DNAH9: variants seen among roughly 807,000 people sequenced by gnomAD.
DNAH9 encodes DNAH9 variant protein.
In DNAH9, 345 loss-of-function variants were observed where a neutral mutation model predicts 471.6. The ratio of observed to expected loss-of-function variants is 0.73; its 90% CI spans 0.67 to 0.80. DNAH9 has a LOEUF of 0.80. Ranked by LOEUF, DNAH9 falls within the 30% of genes least tolerant of loss-of-function variation. DNAH9 has a pLI of 0.00. For missense variants in DNAH9, 5,407 were observed against 5,609.2 expected (o/e 0.96, Z 1.15); for synonymous variants, 2,093 against 2,123.6 (o/e 0.99, Z 0.40).
At chr17:11,888,471 C>T (rs1477232993) in intron 57 of DNAH9, among the ~76,000 whole-genome samples, 2 of 152,254 alleles carry the variant, frequency 1.3e-5, no homozygotes, top group East Asian at 3.9e-4. Flanking sequence ...CAGAAGCCTA[C>T]CACAGTGACT....
At chr17:11,669,876 C>T (rs1156614394) in intron 17 of DNAH9, 82 bp downstream of exon 17, 3 of 1,212,252 alleles carry the variant, frequency 2.5e-6, no homozygotes, top group Non-Finnish European at 3.5e-6. Flanking sequence ...ATATTTTTTC[C>T]CCATGGGTAT....
At chr17:11,856,956 G>C (rs1049867366) in intron 50 of DNAH9, among the ~76,000 whole-genome samples, 1 of 152,008 alleles carries the variant, frequency 6.6e-6, no homozygotes, top group East Asian at 1.9e-4. Flanking sequence ...TCAAGTGAAC[G>C]TTTTGCTTTG....
intron 49 of DNAH9, among the ~76,000 whole-genome samples, chr17:11,848,053 C>A (rs193154268): frequency 3.2e-4 from 48 of 152,256 alleles, no homozygotes; most frequent in Non-Finnish European, 4.4e-5. Flanking sequence ...ACCTCCCCAG[C>A]TCCACTCACC....
rs567906001 is a variant in DNAH9, at chr17:11,822,817, C to G, written c.9029C>G (p.Ser3010Trp). The G allele has an allele frequency of 6.2e-7, 1 of 1,614,190 alleles. No homozygotes were observed. The highest frequency in any genetic ancestry group is 1.3e-5 in the African/African-American group (1 of 75,046). The change falls in exon 48 of 69, where the codon TCG becomes TGG. Residue 3010 changes from serine to tryptophan, a missense_variant. This residue lies in a region of DNAH9 where 4,636 missense variants were observed against 4,900.3 expected (regional missense o/e 0.95). Coordinates refer to ENST00000262442, the MANE Select transcript of DNAH9 (RefSeq NM_001372.4). ...TGGTTTTAGCCCACAGTAAAGCAGTCGATTAGCAAATTCATGGCCTTTGTC... is the reference window on the plus strand; with the variant it reads ...TGGTTTTAGCCCACAGTAAAGCAGTGGATTAGCAAATTCATGGCCTTTGTC... ...TEGIEPTVKQSISKFMAFVHT... is the reference protein window; with the variant it reads ...TEGIEPTVKQWISKFMAFVHT...
chr17:11,769,593 A>G (rs1432438711), intron 38 of DNAH9, among the ~76,000 whole-genome samples: 1 of 152,222 alleles, frequency 6.6e-6, no homozygotes, highest in Admixed American at 6.5e-5. Flanking sequence ...TTCAACACAG[A>G]GCAGTTCAGC....
intron 31 of DNAH9, among the ~76,000 whole-genome samples, chr17:11,746,264 G>A (rs1372536188): frequency 6.6e-6 from 1 of 152,160 alleles, no homozygotes; most frequent in Non-Finnish European, 1.5e-5. Context: ...ATGGCAGAAG[G>A]TGAAGGAGAA....
intron 19 of DNAH9, among the ~76,000 whole-genome samples, chr17:11,686,005 C>T (rs1384594286): frequency 1.3e-5 from 2 of 151,890 alleles, no homozygotes; most frequent in African/African-American, 4.8e-5. Context: ...AGGGTTTCAC[C>T]TTGTTAGCCA....
intron 67 of DNAH9, among the ~76,000 whole-genome samples, chr17:11,957,121 G>C (rs1975683880): frequency 6.6e-6 from 1 of 152,048 alleles, no homozygotes; most frequent in Non-Finnish European, 1.5e-5. Context: ...AGGATTATAA[G>C]AATATGAATA....
At chr17:11,812,224 C>T (rs8079477) in intron 45 of DNAH9, among the ~76,000 whole-genome samples, 7,350 of 150,890 alleles carry the variant, frequency 0.049, 329 homozygotes, top group South Asian at 0.11. Flanking sequence ...AGAAAACAGT[C>T]AGTGTACAAA....
chr17:11,734,961 G>A (rs2075322059), intron 28 of DNAH9, among the ~76,000 whole-genome samples: 1 of 152,138 alleles, frequency 6.6e-6, no homozygotes, highest in African/African-American at 2.4e-5. Context: ...ATTTCAGCGT[G>A]CATCAGAATC....
At position 11,659,772 on chromosome 17, in the gene DNAH9, G is replaced by T. The variant is rs189675216; in HGVS notation, c.2596-5061G>T. Among the ~76,000 whole-genome samples the T allele has an allele frequency of 7.2e-5, 11 of 152,296 alleles. No homozygotes were observed. The East Asian group carries it at 2.1e-3, about 29-fold the overall frequency. Reference sequence around the variant, plus strand: ...GTTTGATTACCAGTAAATAGTGTGGGCTCCCAGAGCTCGGGGCCTTCACAG... The same window carrying T: ...GTTTGATTACCAGTAAATAGTGTGGTCTCCCAGAGCTCGGGGCCTTCACAG... On this transcript the variant is annotated intron_variant, in intron 14 of 68. Coordinates refer to ENST00000262442, the MANE Select transcript of DNAH9 (RefSeq NM_001372.4).
intron 68 of DNAH9, among the ~76,000 whole-genome samples, chr17:11,963,040 G>A (rs1460098055): frequency 6.6e-6 from 1 of 152,122 alleles, no homozygotes; most frequent in African/African-American, 2.4e-5. Flanking sequence ...CATAACCCCA[G>A]AATGATTATT....
chr17:11,747,250 A>G (rs1266538906), intron 31 of DNAH9, among the ~76,000 whole-genome samples: 2 of 152,216 alleles, frequency 1.3e-5, no homozygotes, highest in Non-Finnish European at 2.9e-5. Flanking sequence ...ATTTGTCCAC[A>G]TGACTTTCTT....
rs768666835 is a variant in DNAH9 at position 11,834,742 on chromosome 17, A to G, written c.9351A>G (p.Lys3117=). The G allele has an allele frequency of 6.2e-7, 1 of 1,614,122 alleles. No homozygotes were observed. Among genetic ancestry groups the G allele is most frequent in the Non-Finnish European group, 8.5e-7 (1 of 1,180,012 alleles). The change falls in exon 49 of 69, where the codon AAA becomes AAG. Residue 3117 remains lysine, a synonymous_variant. Coordinates refer to ENST00000262442, the MANE Select transcript of DNAH9 (RefSeq NM_001372.4). The part of the protein sequence containing the change: ...LIQVVGVETD[K]VSREKAMADE... ...AGGTCGTGGGTGTGGAGACTGACAAAGTGAGCAGAGAGAAAGCCATGGCAG... is the reference window on the plus strand; with the variant it reads ...AGGTCGTGGGTGTGGAGACTGACAAGGTGAGCAGAGAGAAAGCCATGGCAG...
chr17:11,701,182 A>T lies in DNAH9; in HGVS notation c.5086A>T (p.Thr1696Ser). The change falls in exon 24 of 69, where the codon ACA becomes TCA. Residue 1696 changes from threonine to serine, a missense_variant. Physicochemically the swap from Thr to Ser is moderately conservative, Grantham distance 58. This residue lies in a region of DNAH9 where 4,636 missense variants were observed against 4,900.3 expected (regional missense o/e 0.95). Transcript: ENST00000262442. ...HMKATVRHEMTEGVTAYEEKP... is the reference protein window; with the variant it reads ...HMKATVRHEMSEGVTAYEEKP... ...GAAGGCCACTGTGAGGCATGAGATG[A>T]CAGAAGGTGTAACTGCCTATGAAGA... 1 of 1,614,080 alleles carries T rather than the reference A, an allele frequency of 6.2e-7. No homozygotes were observed. The highest frequency in any genetic ancestry group is 8.5e-7 in the Non-Finnish European group (1 of 1,179,978).
chr17:11,865,583 G>A (rs1182706772), intron 50 of DNAH9, among the ~76,000 whole-genome samples: 1 of 152,026 alleles, frequency 6.6e-6, no homozygotes, highest in Non-Finnish European at 1.5e-5. Context: ...CTAGATTGGG[G>A]AAGTTCTCCT....
At chr17:11,663,155 G>C (rs894469669) in intron 14 of DNAH9, among the ~76,000 whole-genome samples, 2 of 152,156 alleles carry the variant, frequency 1.3e-5, no homozygotes, top group African/African-American at 4.8e-5. Context: ...TGGGTTATCT[G>C]CAAGGTTGCT....
intron 67 of DNAH9, among the ~76,000 whole-genome samples, chr17:11,954,694 C>T (rs1016063934): frequency 4.0e-5 from 6 of 149,854 alleles, no homozygotes; most frequent in African/African-American, 1.5e-4. Flanking sequence ...TCTTAGAACC[C>T]AGGAGGCGGA....
intron 50 of DNAH9, among the ~76,000 whole-genome samples, chr17:11,859,719 C>T (rs534183716): frequency 1.3e-5 from 2 of 152,148 alleles, no homozygotes; most frequent in South Asian, 2.1e-4. Context: ...TTGGCAAGAG[C>T]GGGAGCAAGA....
Sources: allele counts gnomAD v4.1 joint callset (sites outside exome capture counted in the v4.1 genomes callset), GRCh38; gene constraint gnomAD v4.1.1; regional missense constraint gnomAD v4.1.1; transcripts MANE v1.5; gene names NCBI Gene and HGNC (gene_info 2026-07-23, HGNC 2026-07-21).